The following ENDOD1 variants were observed in gnomAD, a reference collection of about 807,000 sequenced individuals.
ENDOD1 encodes endonuclease domain containing 1.
Under a neutral mutation model 6.5 loss-of-function variants are expected in ENDOD1, and 9 were observed. The observed-to-expected ratio is 1.39, with a 90% CI of 0.84 to 2.43. ENDOD1 has a LOEUF of 2.43. Ranked by LOEUF, ENDOD1 falls within the 30% of genes most tolerant of loss-of-function variation. The pLI, the probability that ENDOD1 is intolerant of heterozygous loss-of-function variation, is 0.00. For missense variants in ENDOD1, 648 were observed against 635.5 expected (o/e 1.02, Z -0.21); for synonymous variants, 255 against 255.2 (o/e 1.00, Z 0.01).
At position 95,128,719 on chromosome 11, in the gene ENDOD1, G is replaced by T; in HGVS notation, c.643G>T (p.Val215Phe). The T allele has an allele frequency of 6.2e-7, 1 of 1,614,210 alleles. No individual in the cohort carries two copies. Among genetic ancestry groups the T allele is most frequent in the Non-Finnish European group, 8.5e-7 (1 of 1,180,040 alleles). ...SDYRVKDKVA[V>F]PEFVWLAACC... ...CTACAGAGTTAAAGACAAAGTGGCA[G>T]TCCCTGAGTTTGTTTGGCTGGCAGC... The change falls in exon 2 of 2, where the codon GTC becomes TTC. Residue 215 changes from valine (V) to phenylalanine (F), a missense_variant. Transcript: ENST00000278505.
intron 1 of ENDOD1, among the ~76,000 whole-genome samples, chr11:95,105,012 G>C (rs1246129215): frequency 6.6e-6 from 1 of 152,220 alleles, no homozygotes; most frequent in Non-Finnish European, 1.5e-5. Flanking sequence ...AGGTGGGTGG[G>C]AGAGGGTCAT....
At chr11:95,103,096 AGTGGGT>A (rs1312518000) in intron 1 of ENDOD1, among the ~76,000 whole-genome samples, 3,441 of 56,342 alleles carry the variant, frequency 0.061, 44 homozygotes, top group Middle Eastern at 0.098. Context: ...AACTAGGCAG[AGTGGGT>A]GTGTGTGTGT....
intron 1 of ENDOD1, among the ~76,000 whole-genome samples, chr11:95,126,334 T>G (rs146122050): frequency 6.6e-6 from 1 of 152,312 alleles, no homozygotes; most frequent in Non-Finnish European, 1.5e-5. Context: ...TTATTTTATA[T>G]GTTTAGTGAG....
rs1007260859 is a variant in ENDOD1 at position 95,130,745 on chromosome 11, C to T, written c.*1166C>T. 6.6e-6 allele frequency: 1 copy of T among 152,142 alleles called. No homozygotes were observed. Among genetic ancestry groups the T allele is most frequent in the Non-Finnish European group, 1.5e-5 (1 of 68,030 alleles). 9.4% of individuals were successfully genotyped at this position (152,142 alleles called of 1,614,324 possible). A position where few individuals can be genotyped will look rare whatever the true frequency, so the allele number is the denominator to read the frequency against. On this transcript the variant is annotated 3_prime_UTR_variant, in exon 2 of 2. Coordinates refer to ENST00000278505, the MANE Select transcript of ENDOD1 (RefSeq NM_015036.3). The stretch of plus-strand genomic sequence containing the variant: ...TATTTTTACAGTGTGTTTGAGGCTA[C>T]AAACATAACTCCCCCATTAATACAA...
At chr11:95,117,335 G>A (rs1419092449) in intron 1 of ENDOD1, among the ~76,000 whole-genome samples, 1 of 152,210 alleles carries the variant, frequency 6.6e-6, no homozygotes, top group Non-Finnish European at 1.5e-5. Context: ...CTTGAACCTG[G>A]GAGGCAGAGG....
At chr11:95,090,823 C>T (rs1269090556) in intron 1 of ENDOD1, among the ~76,000 whole-genome samples, 2 of 152,170 alleles carry the variant, frequency 1.3e-5, no homozygotes, top group East Asian at 1.9e-4. Flanking sequence ...TCATCCTAGC[C>T]TGAAAATCCT....
chr11:95,120,131 G>C (rs1295464279), intron 1 of ENDOD1, among the ~76,000 whole-genome samples: 2 of 152,142 alleles, frequency 1.3e-5, no homozygotes, highest in Admixed American at 6.5e-5. Flanking sequence ...CTAGAATCGG[G>C]GGCCCCAAGA....
In ENDOD1 at chr11:95,093,577, G is replaced by A. The variant is rs140938610; in HGVS notation, c.300+3350G>A. 2.8e-3 allele frequency among the ~76,000 whole-genome samples: 428 copies of A among 152,256 alleles called. 2 individuals are homozygous for A. Among genetic ancestry groups the A allele is most frequent in the African/African-American group, 9.7e-3 (403 of 41,538 alleles). On this transcript the variant is annotated intron_variant, in intron 1 of 1. Transcript: ENST00000278505. ...GCTTATGTATCTGTCTCCCCAACTT[G>A]AGCCCTTGAGGAATGATGATTGCAT... is the stretch of plus-strand genomic sequence containing the variant.
intron 1 of ENDOD1, among the ~76,000 whole-genome samples, chr11:95,112,435 A>G (rs115502514): frequency 0.01 from 1,577 of 152,294 alleles, 30 homozygotes; most frequent in African/African-American, 0.036. Context: ...CAGTTTTCCC[A>G]TGTCTGACAT....
chr11:95,128,280 C>A, intron 1 of ENDOD1, 97 bp from the exon 2 acceptor site: 1 of 1,401,944 alleles, frequency 7.1e-7, no homozygotes, highest in Non-Finnish European at 9.7e-7. Flanking sequence ...AAGTAATAGA[C>A]CAGTGGGGAC....
At chr11:95,119,214 T>C (rs181938248) in intron 1 of ENDOD1, among the ~76,000 whole-genome samples, 190 of 152,358 alleles carry the variant, frequency 1.2e-3, no homozygotes, top group African/African-American at 4.4e-3. Flanking sequence ...CTGGATGGTC[T>C]TGATACTTGT....
chr11:95,095,832 A>G (rs1337892801), intron 1 of ENDOD1, among the ~76,000 whole-genome samples: 2 of 152,214 alleles, frequency 1.3e-5, no homozygotes, highest in East Asian at 3.8e-4. Context: ...TGACTGCCCA[A>G]ATCCAAAGCT....
intron 1 of ENDOD1, among the ~76,000 whole-genome samples, chr11:95,120,379 A>T (rs1324932115): frequency 6.6e-6 from 1 of 152,068 alleles, no homozygotes; most frequent in Non-Finnish European, 1.5e-5. Context: ...CAGTTAGCAG[A>T]TGATGAATCC....
At chr11:95,102,766 C>T (rs1304928652) in intron 1 of ENDOD1, among the ~76,000 whole-genome samples, 8 of 152,142 alleles carry the variant, frequency 5.3e-5, no homozygotes, top group Non-Finnish European at 1.0e-4. Context: ...TATTATGTTA[C>T]GGAAAAGAGT....
chr11:95,109,277 G>A lies in ENDOD1; in HGVS notation c.300+19050G>A, dbSNP rs1056376511. 3.9e-5 allele frequency among the ~76,000 whole-genome samples: 6 copies of A among 152,194 alleles called. No individual in the cohort carries two copies. The East Asian group carries it at 9.6e-4, about 24-fold the overall frequency. ...AGGAAACTCCACCCTCCATGAGTCA[G>A]AGTCATTGAGAGTTTAATAACCACT... is the stretch of plus-strand genomic sequence containing the variant. On this transcript the variant is annotated intron_variant, in intron 1 of 1. Coordinates refer to ENST00000278505, the MANE Select transcript of ENDOD1 (RefSeq NM_015036.3).
intron 1 of ENDOD1, among the ~76,000 whole-genome samples, chr11:95,107,392 A>G (rs1275481854): frequency 1.3e-5 from 2 of 151,784 alleles, no homozygotes; most frequent in Admixed American, 1.3e-4. Context: ...TAAAGCTCCC[A>G]GGTGATTCTG....
chr11:95,098,097 T>C (rs1268612418), intron 1 of ENDOD1, among the ~76,000 whole-genome samples: 1 of 152,120 alleles, frequency 6.6e-6, no homozygotes, highest in African/African-American at 2.4e-5. Flanking sequence ...ATGTCAGTAC[T>C]CAAAAAGCTT....
chr11:95,102,599 G>A (rs1859051454), intron 1 of ENDOD1, among the ~76,000 whole-genome samples: 1 of 152,158 alleles, frequency 6.6e-6, no homozygotes, highest in African/African-American at 2.4e-5. Flanking sequence ...TTGAGCCTGG[G>A]AGACAGAGGT....
At chr11:95,117,090 GT>G (rs1325304957) in intron 1 of ENDOD1, among the ~76,000 whole-genome samples, 3 of 152,186 alleles carry the variant, frequency 2.0e-5, no homozygotes, top group Admixed American at 6.5e-5. Flanking sequence ...GTATTGAGGT[GT>G]ATCTCTCTCT....
Sources: gnomAD v4.1 joint callset for allele counts (sites outside exome capture counted in the v4.1 genomes callset) on GRCh38, gnomAD v4.1.1 for gene constraint, MANE v1.5 for transcripts, NCBI Gene and HGNC (gene_info 2026-07-23, HGNC 2026-07-21) for gene names.